Variants in MSRB3 observed in about 807,000 individuals in gnomAD.
MSRB3 encodes the protein methionine sulfoxide reductase B3.
In MSRB3, 13 loss-of-function variants were observed where a neutral mutation model predicts 21.0. The observed-to-expected ratio is 0.62, with a 90% CI of 0.40 to 0.98. The LOEUF is 0.98. Among genes scored for constraint, MSRB3 ranks in the 50% least tolerant of loss-of-function variants. The pLI is 0.00. For synonymous variants in MSRB3, 87 were observed against 88.6 expected (o/e 0.98, Z 0.10); for missense variants, 199 against 230.3 (o/e 0.86, Z 0.88).
chr12:65,414,830 T>C (rs1360146929), intron 5 of MSRB3, among the ~76,000 whole-genome samples: 1 of 152,098 alleles, frequency 6.6e-6, no homozygotes, highest in East Asian at 1.9e-4. Context: ...TGAGGAAGAT[T>C]TCAGGTAGAA....
At chr12:65,328,045 A>G (rs1218887018) in intron 3 of MSRB3, among the ~76,000 whole-genome samples, 1 of 152,258 alleles carries the variant, frequency 6.6e-6, no homozygotes, top group Non-Finnish European at 1.5e-5. Context: ...GATTTGTATT[A>G]GCTGAATGAC....
intron 5 of MSRB3, among the ~76,000 whole-genome samples, chr12:65,412,247 C>A (rs1260163403): frequency 6.6e-6 from 1 of 152,154 alleles, no homozygotes; most frequent in African/African-American, 2.4e-5. Context: ...ATTAAGGTTG[C>A]TTTCACTGAA....
chr12:65,424,009 C>G (rs745363693), intron 5 of MSRB3, among the ~76,000 whole-genome samples: 1 of 152,050 alleles, frequency 6.6e-6, no homozygotes, highest in Non-Finnish European at 1.5e-5. Flanking sequence ...ATTCAATGTC[C>G]TTCCTTGTGA....
At chr12:65,362,334 TC>T (rs1877757960) in intron 4 of MSRB3, among the ~76,000 whole-genome samples, 1 of 152,226 alleles carries the variant, frequency 6.6e-6, no homozygotes, top group South Asian at 2.1e-4. Context: ...TGCAGAAAAA[TC>T]CTTTCTGAGA....
intron 4 of MSRB3, among the ~76,000 whole-genome samples, chr12:65,343,606 TTA>T (rs752248068): frequency 3.9e-4 from 59 of 152,222 alleles, no homozygotes; most frequent in African/African-American, 1.2e-3. Context: ...GCTAAGCACT[TTA>T]AAGAAAATTG....
intron 5 of MSRB3, among the ~76,000 whole-genome samples, chr12:65,418,523 T>C (rs554748616): frequency 3.9e-5 from 6 of 152,296 alleles, no homozygotes; most frequent in African/African-American, 1.4e-4. Context: ...TTTGCCTTTG[T>C]TGCTTGTGTT....
intron 5 of MSRB3, among the ~76,000 whole-genome samples, chr12:65,417,681 G>A (rs941009399): frequency 2.0e-5 from 3 of 152,082 alleles, no homozygotes; most frequent in Non-Finnish European, 4.4e-5. Context: ...ATTCTACTCT[G>A]TTTTTGTGAG....
At position 65,422,388 on chromosome 12, in the gene MSRB3, G is replaced by GTA. The variant is rs59746471; in HGVS notation, c.293-31298_293-31297dup. 4.8e-3 allele frequency among the ~76,000 whole-genome samples: 445 copies of GTA among 92,022 alleles called. 1 individual carries two copies. The highest frequency in any genetic ancestry group is 7.3e-3 in the African/African-American group (161 of 22,142). 60.4% of individuals were successfully genotyped at this position (92,022 alleles called of 152,430 possible). A position where few individuals can be genotyped will look rare whatever the true frequency, so the allele number is the denominator to read the frequency against. On this transcript the variant is annotated intron_variant, in intron 5 of 6. Coordinates refer to ENST00000308259, the MANE Select transcript of MSRB3 (RefSeq NM_001031679.3). ...AATTTTTAATTTTTGGGAGTACATA[G>GTA]TATATATATATATATATATATATAT... is the stretch of plus-strand genomic sequence containing the variant.
chr12:65,291,854 G>A (rs923395496), intron 1 of MSRB3, among the ~76,000 whole-genome samples: 12 of 152,262 alleles, frequency 7.9e-5, no homozygotes, highest in Non-Finnish European at 1.6e-4. Context: ...CTGTGTGATG[G>A]AAGCCATTAG....
At chr12:65,402,019 C>T (rs889822933) in intron 5 of MSRB3, among the ~76,000 whole-genome samples, 1 of 152,142 alleles carries the variant, frequency 6.6e-6, no homozygotes, top group Non-Finnish European at 1.5e-5. Flanking sequence ...AGTAACCTGA[C>T]CTTTCTCTCT....
At chr12:65,407,091 T>C (rs995133276) in intron 5 of MSRB3, among the ~76,000 whole-genome samples, 1 of 152,192 alleles carries the variant, frequency 6.6e-6, no homozygotes, top group African/African-American at 2.4e-5. Flanking sequence ...AACATCATAG[T>C]ACTAGCATAA....
intron 5 of MSRB3, among the ~76,000 whole-genome samples, chr12:65,412,040 G>A (rs1321343961): frequency 1.3e-5 from 2 of 152,092 alleles, no homozygotes; most frequent in Non-Finnish European, 2.9e-5. Context: ...ATCCAGGGCT[G>A]TGTTCATGAG....
At position 65,463,226 on chromosome 12, in the gene MSRB3, G is replaced by A. The variant is rs745798707; in HGVS notation, c.462G>A (p.Ser154=). 2.9e-5 allele frequency: 47 copies of A among 1,614,014 alleles called. No homozygotes were observed. The highest frequency in any genetic ancestry group is 3.3e-5 in the Admixed American group (2 of 60,004). ...RPTGKRYCIN[S]AALSFTPADS... Reference sequence around the variant, plus strand: ...CTGGGAAAAGATACTGCATAAATTCGGCTGCCTTGTCTTTTACACCTGCGG... The same window carrying A: ...CTGGGAAAAGATACTGCATAAATTCAGCTGCCTTGTCTTTTACACCTGCGG... The change falls in exon 7 of 7, where the codon TCG becomes TCA. Residue 154 remains serine (S), a synonymous_variant. Coordinates refer to ENST00000308259, the MANE Select transcript of MSRB3 (RefSeq NM_001031679.3).
At chr12:65,369,448 C>T (rs967888969) in intron 5 of MSRB3, among the ~76,000 whole-genome samples, 1 of 152,064 alleles carries the variant, frequency 6.6e-6, no homozygotes, top group Non-Finnish European at 1.5e-5. Context: ...AGAAATTTGT[C>T]TATGGTTTAT....
chr12:65,324,622 C>G (rs888685987), intron 2 of MSRB3, among the ~76,000 whole-genome samples: 30 of 152,034 alleles, frequency 2.0e-4, no homozygotes, highest in Non-Finnish European at 3.8e-4. Context: ...CGGTTTTATT[C>G]TCTTCGGAAA....
At chr12:65,422,167 A>G (rs942800767) in intron 5 of MSRB3, among the ~76,000 whole-genome samples, 5 of 151,958 alleles carry the variant, frequency 3.3e-5, no homozygotes, top group East Asian at 1.9e-4. Flanking sequence ...GCTCAATTCA[A>G]TAAGACCTAA....
intron 5 of MSRB3, among the ~76,000 whole-genome samples, chr12:65,391,864 T>C (rs1879501182): frequency 6.6e-6 from 1 of 152,096 alleles, no homozygotes; most frequent in South Asian, 2.1e-4. Flanking sequence ...AGCCAAGTGC[T>C]AAAAGAAAAT....
chr12:65,286,650 T>C (rs1025732048), intron 1 of MSRB3: 2 of 151,726 alleles, frequency 1.3e-5, no homozygotes, highest in African/African-American at 4.8e-5. Flanking sequence ...AAAAACATCT[T>C]TCAGTACATA....
At chr12:65,424,378 A>G (rs1485346506) in intron 5 of MSRB3, among the ~76,000 whole-genome samples, 1 of 151,616 alleles carries the variant, frequency 6.6e-6, no homozygotes, top group East Asian at 1.9e-4. Flanking sequence ...TTTGTTTTCT[A>G]GTTCCTTGAG....
Sources: allele counts gnomAD v4.1 joint callset (sites outside exome capture counted in the v4.1 genomes callset), GRCh38; gene constraint gnomAD v4.1.1; transcripts MANE v1.5; gene names NCBI Gene and HGNC (gene_info 2026-07-23, HGNC 2026-07-21).